The following LRFN5 variants were observed in gnomAD, a reference collection of about 807,000 sequenced individuals.
The protein encoded by LRFN5 is leucine-rich repeat and fibronectin type-III domain-containing protein 5.
Under a neutral mutation model 45.6 loss-of-function variants are expected in LRFN5, and 24 were observed. The observed-to-expected ratio is 0.53, with a 90% CI of 0.38 to 0.74. LRFN5 has a LOEUF of 0.74. Among genes scored for constraint, LRFN5 ranks in the 30% least tolerant of loss-of-function variants. LRFN5 has a pLI of 0.00. For missense variants in LRFN5, 776 were observed against 861.5 expected, an observed-to-expected ratio of 0.90 and a Z score of 1.24; for synonymous variants, 340 against 313.8, an observed-to-expected ratio of 1.08 and a Z score of -0.88.
At chr14:41,815,605 G>C (rs921021906) in intron 2 of LRFN5, among the ~76,000 whole-genome samples, 2 of 152,050 alleles carry the variant, frequency 1.3e-5, no homozygotes, top group Non-Finnish European at 2.9e-5. Flanking sequence ...AGGTGTGGCG[G>C]TGCATGCCTG....
At chr14:41,631,757 A>T (rs1566595836) in intron 1 of LRFN5, among the ~76,000 whole-genome samples, 2 of 152,164 alleles carry the variant, frequency 1.3e-5, no homozygotes, top group Non-Finnish European at 1.5e-5. Context: ...GAGTGAGTTC[A>T]AGAACCTTGG....
chr14:41,859,078 A>T lies in LRFN5; in HGVS notation c.-20-27528A>T, dbSNP rs146002995. Among the ~76,000 whole-genome samples, 597 of 152,294 alleles carry T rather than the reference A, an allele frequency of 3.9e-3. 8 individuals carry two copies. The highest frequency in any genetic ancestry group is 0.014 in the African/African-American group (572 of 41,558). ...CATTGAGGGAGAAATCCTGACTTGT[A>T]GCATTTATGAATTTCTATGGTGAAA... On this transcript the variant is annotated intron_variant, in intron 2 of 5. Coordinates refer to ENST00000298119, the MANE Select transcript of LRFN5 (RefSeq NM_152447.5).
At chr14:41,667,451 G>A (rs1424776669) in intron 1 of LRFN5, among the ~76,000 whole-genome samples, 2 of 152,128 alleles carry the variant, frequency 1.3e-5, no homozygotes, top group African/African-American at 4.8e-5. Flanking sequence ...TGCCTCGTGT[G>A]ACTGAGGAAC....
chr14:41,854,437 C>T (rs993328640), intron 2 of LRFN5, among the ~76,000 whole-genome samples: 4 of 151,750 alleles, frequency 2.6e-5, no homozygotes, highest in Admixed American at 2.6e-4. Flanking sequence ...GTGCAGCACA[C>T]CAACATGACA....
At chr14:41,778,708 G>T (rs542197006) in intron 2 of LRFN5, among the ~76,000 whole-genome samples, 3 of 151,870 alleles carry the variant, frequency 2.0e-5, no homozygotes, top group East Asian at 3.9e-4. Flanking sequence ...GCCTCTGTGT[G>T]CAATATTGTC....
intron 1 of LRFN5, among the ~76,000 whole-genome samples, chr14:41,683,004 A>G (rs1438789587): frequency 2.0e-5 from 3 of 152,196 alleles, no homozygotes; most frequent in Non-Finnish European, 4.4e-5. Flanking sequence ...ACACAGCAGT[A>G]AATAAATAAA....
At chr14:41,628,093 T>C (rs547236879) in intron 1 of LRFN5, among the ~76,000 whole-genome samples, 2 of 152,298 alleles carry the variant, frequency 1.3e-5, no homozygotes, top group African/African-American at 4.8e-5. Flanking sequence ...CTGTAATATG[T>C]GGTGAAAACT....
chr14:41,777,018 G>T (rs2138906975), intron 2 of LRFN5, among the ~76,000 whole-genome samples: 1 of 151,830 alleles, frequency 6.6e-6, no homozygotes, highest in South Asian at 2.1e-4. Context: ...TATATGAATG[G>T]ATATATCTTG....
intron 2 of LRFN5, among the ~76,000 whole-genome samples, chr14:41,833,272 G>T (rs1486874260): frequency 6.6e-6 from 1 of 152,162 alleles, no homozygotes; most frequent in Non-Finnish European, 1.5e-5. Flanking sequence ...GGAAAAGTCA[G>T]CTTATCCACC....
intron 1 of LRFN5, among the ~76,000 whole-genome samples, chr14:41,763,246 C>G (rs1276858690): frequency 6.6e-6 from 1 of 152,096 alleles, no homozygotes; most frequent in Non-Finnish European, 1.5e-5. Flanking sequence ...GAAAAATGGT[C>G]ACAGTTGTGA....
At chr14:41,859,647 C>T (rs940671781) in intron 2 of LRFN5, among the ~76,000 whole-genome samples, 4 of 152,186 alleles carry the variant, frequency 2.6e-5, no homozygotes, top group African/African-American at 9.6e-5. Context: ...CTTTATTTAA[C>T]AGAAGTTTTC....
chr14:41,866,829 C>G (rs1242419652), intron 2 of LRFN5, among the ~76,000 whole-genome samples: 1 of 152,068 alleles, frequency 6.6e-6, no homozygotes, highest in Non-Finnish European at 1.5e-5. Flanking sequence ...GACTTAATCT[C>G]TAAACAATAA....
intron 1 of LRFN5, among the ~76,000 whole-genome samples, chr14:41,680,863 T>G (rs1263999917): frequency 6.6e-6 from 1 of 151,788 alleles, no homozygotes; most frequent in Non-Finnish European, 1.5e-5. Context: ...TCAACAAAAT[T>G]TAAGTTAAAA....
At chr14:41,890,204 A>G (rs1324002226) in intron 3 of LRFN5, among the ~76,000 whole-genome samples, 1 of 152,130 alleles carries the variant, frequency 6.6e-6, no homozygotes, top group Non-Finnish European at 1.5e-5. Flanking sequence ...GGCACTGTCT[A>G]AACTCTTGCA....
intron 1 of LRFN5, among the ~76,000 whole-genome samples, chr14:41,647,412 A>G (rs1879868843): frequency 6.6e-6 from 1 of 152,162 alleles, no homozygotes; most frequent in South Asian, 2.1e-4. Flanking sequence ...ACAAGAAATA[A>G]CATGGCTAGT....
In LRFN5 at chr14:41,891,325, G is replaced by A; in HGVS notation, c.1461G>A (p.Leu487=). The A allele has an allele frequency of 6.2e-7, 1 of 1,613,974 alleles. No homozygotes were observed. The highest frequency in any genetic ancestry group is 8.5e-7 in the Non-Finnish European group (1 of 1,180,010). ...GAACTATGTATGACTTGTGTGTCTT[G>A]GCCATATATGATGATGGCATCACTT... The part of the protein sequence containing the change: ...AAGTMYDLCV[L]AIYDDGITSL... Residue 487 remains leucine (L), a synonymous_variant, in exon 4 of 6, where the codon TTG becomes TTA. Coordinates refer to ENST00000298119, the MANE Select transcript of LRFN5 (RefSeq NM_152447.5).
Position 41,891,244 on chromosome 14 carries a change from C to T in LRFN5, c.1386-6C>T. The T allele has an allele frequency of 1.2e-6, 2 of 1,608,916 alleles. No homozygotes were observed. Among genetic ancestry groups the T allele is most frequent in the Non-Finnish European group, 1.7e-6 (2 of 1,178,074 alleles). The stretch of plus-strand genomic sequence containing the variant: ...TAATATTAACACAAATTCCATTGTC[C>T]CTCAGAATGATACCTCCTACGAGCA... On this transcript the variant is annotated splice_polypyrimidine_tract_variant and splice_region_variant and intron_variant, in intron 3 of 5. Coordinates refer to ENST00000298119, the MANE Select transcript of LRFN5 (RefSeq NM_152447.5).
intron 1 of LRFN5, among the ~76,000 whole-genome samples, chr14:41,737,876 A>G (rs2138811860): frequency 6.6e-6 from 1 of 152,274 alleles, no homozygotes; most frequent in Middle Eastern, 3.4e-3. Flanking sequence ...AAAAAAATCC[A>G]TGCTCATGGA....
intron 2 of LRFN5, among the ~76,000 whole-genome samples, chr14:41,793,608 A>G (rs1353546152): frequency 2.0e-5 from 3 of 151,998 alleles, no homozygotes; most frequent in African/African-American, 4.8e-5. Context: ...TTTCAGCTGT[A>G]AAAATGTTAA....
Sources: gnomAD v4.1 joint callset for allele counts (sites outside exome capture counted in the v4.1 genomes callset) on GRCh38, gnomAD v4.1.1 for gene constraint, MANE v1.5 for transcripts, NCBI Gene and HGNC (gene_info 2026-07-23, HGNC 2026-07-21) for gene names.